DRD3: variants seen among roughly 807,000 people sequenced by gnomAD.
The protein encoded by DRD3 is D(3) dopamine receptor.
In DRD3, 19 loss-of-function variants were observed where a neutral mutation model predicts 36.3. The observed-to-expected ratio is 0.52, with a 90% CI of 0.36 to 0.77. The LOEUF (loss-of-function observed/expected upper bound fraction) is 0.77. DRD3 is among the 30% of genes least tolerant of loss of function. The pLI is 0.00. For missense variants in DRD3, 465 were observed against 505.3 expected (o/e 0.92, Z 0.77); for synonymous variants, 195 against 203.7 (o/e 0.96, Z 0.36).
chr3:114,187,553 A>G (rs777769475), intron 1 of DRD3, among the ~76,000 whole-genome samples: 25 of 152,232 alleles, frequency 1.6e-4, no homozygotes, highest in Admixed American at 7.2e-4. Flanking sequence ...ATGTTCAGAT[A>G]TCCTACTGCA....
intron 2 of DRD3, among the ~76,000 whole-genome samples, chr3:114,170,711 C>T (rs187418998): frequency 5.3e-5 from 8 of 152,156 alleles, no homozygotes; most frequent in African/African-American, 1.4e-4. Flanking sequence ...TTTGCTCTCC[C>T]GTGATATGTC....
Position 114,147,311 on chromosome 3 carries a change from A to G in DRD3, c.526+104T>C, listed in dbSNP as rs891322368. On this transcript the variant is annotated intron_variant, in intron 4 of 6. Transcript: ENST00000383673. The stretch of plus-strand genomic sequence containing the variant: ...GCATTCTCATTTAATTGCAAAGTAC[A>G]CTGACCGGGGGTCAGAAATTGCAGG... 80 of 1,421,260 alleles carry G rather than the reference A, an allele frequency of 5.6e-5. No homozygotes were observed. The African/African-American group carries it at 1.1e-3, about 19-fold the overall frequency. The allele number at this position is 1,421,260 out of a possible 1,614,324, so 88.0% of individuals were successfully genotyped here. A position where few individuals can be genotyped will look rare whatever the true frequency, so the allele number is the denominator to read the frequency against.
chr3:114,190,463 T>TATACA (rs60042583), intron 1 of DRD3, among the ~76,000 whole-genome samples: 1 of 5,570 alleles, frequency 1.8e-4, no homozygotes, highest in Non-Finnish European at 3.3e-4. Context: ...TATATATATA[T>TATACA]TTTTTTTTTT....
intron 5 of DRD3, among the ~76,000 whole-genome samples, chr3:114,132,585 C>T (rs897365570): frequency 6.8e-6 from 1 of 147,072 alleles, no homozygotes; most frequent in Non-Finnish European, 1.5e-5. Context: ...AAAAAAAAAG[C>T]AGCACCCACC....
At chr3:114,129,396 A>G (rs1215823169) in intron 6 of DRD3, among the ~76,000 whole-genome samples, 1 of 152,204 alleles carries the variant, frequency 6.6e-6, no homozygotes, top group African/African-American at 2.4e-5. Flanking sequence ...AGGTGTGATT[A>G]GCCAAACTTT....
intron 4 of DRD3, among the ~76,000 whole-genome samples, chr3:114,145,531 G>T (rs775713342): frequency 2.0e-5 from 3 of 152,206 alleles, no homozygotes; most frequent in African/African-American, 4.8e-5. Context: ...CTTTACTGTG[G>T]CAGAGAAACA....
At chr3:114,170,139 T>C (rs2077825334) in intron 2 of DRD3, among the ~76,000 whole-genome samples, 1 of 152,190 alleles carries the variant, frequency 6.6e-6, no homozygotes, top group African/African-American at 2.4e-5. Context: ...AACAGAAATA[T>C]CACATGCTTC....
At chr3:114,131,526 G>A in intron 5 of DRD3, 126 bp from the exon 6 acceptor site, 2 of 1,313,544 alleles carry the variant, frequency 1.5e-6, no homozygotes. Flanking sequence ...ACCTACAAAG[G>A]GAACATCTGA....
intron 4 of DRD3, among the ~76,000 whole-genome samples, chr3:114,144,256 C>T (rs1435926951): frequency 6.6e-6 from 1 of 152,252 alleles, no homozygotes; most frequent in Admixed American, 6.5e-5. Context: ...TTTCGTGTGG[C>T]AGCCCATGGC....
rs2077425498 is a variant in DRD3, at chr3:114,131,129, G to T, written c.995C>A (p.Ala332Asp). 1 of 1,613,158 alleles carries T rather than the reference G, an allele frequency of 6.2e-7. No individual in the cohort carries two copies. The highest frequency in any genetic ancestry group is 1.3e-5 in the African/African-American group (1 of 74,862). ...CAACCCAAACTTACCAAGCACAATG[G>T]CCACCATTTGGGTTGCCTTCTTCTC... The part of the protein sequence containing the change: ...LREKKATQMV[A>D]IVLGAFIVCW... The change falls in exon 6 of 7, where the codon GCC becomes GAC. Residue 332 changes from alanine (A) to aspartate (D), a missense_variant. Physicochemically the swap from Ala to Asp is moderately radical, Grantham distance 126. Transcript: ENST00000383673.
chr3:114,144,925 T>C (rs1339777992), intron 4 of DRD3, among the ~76,000 whole-genome samples: 1 of 152,182 alleles, frequency 6.6e-6, no homozygotes, highest in African/African-American at 2.4e-5. Context: ...TGAATTTTGT[T>C]TCTGGAACAA....
chr3:114,183,307 T>G (rs1162657992), upstream of DRD3, among the ~76,000 whole-genome samples: 2 of 152,226 alleles, frequency 1.3e-5, no homozygotes, highest in African/African-American at 4.8e-5. Context: ...GACATTTGTC[T>G]TTTAAAATCT....
At position 114,190,410 on chromosome 3, in the gene DRD3, TAATATATATATATATATATA is replaced by T. The variant is rs1165988968; in HGVS notation, c.-156+8843_-156+8862del. On this transcript the variant is annotated intron_variant, in intron 1 of 7. Transcript: ENST00000460779. ...AATGCATCCTAGAGAGGAAAAAGGATAATATATATATATATATATATATATATATATATATATATATATAT... is the reference window on the plus strand; with the variant it reads ...AATGCATCCTAGAGAGGAAAAAGGATTATATATATATATATATATATATAT... Among the ~76,000 whole-genome samples the T allele has an allele frequency of 3.6e-4, 21 of 58,190 alleles. 1 individual carries two copies. The South Asian group carries it at 0.014, about 40-fold the overall frequency. 38.2% of individuals were successfully genotyped at this position (58,190 alleles called of 152,430 possible). A position where few individuals can be genotyped will look rare whatever the true frequency, so the allele number is the denominator to read the frequency against.
intron 1 of DRD3, among the ~76,000 whole-genome samples, chr3:114,196,153 A>C (rs769785584): frequency 1.3e-5 from 2 of 152,130 alleles, no homozygotes; most frequent in Non-Finnish European, 2.9e-5. Context: ...TTTCCTATTC[A>C]TGTTGTTTGT....
intron 2 of DRD3, among the ~76,000 whole-genome samples, chr3:114,164,519 T>C (rs1287354865): frequency 6.6e-6 from 1 of 151,984 alleles, no homozygotes; most frequent in East Asian, 1.9e-4. Context: ...ATTTCCCAAA[T>C]CTCCAGACAC....
In DRD3 at chr3:114,128,863, A is replaced by T; in HGVS notation, c.1056T>A (p.Asn352Lys). 3 of 1,613,084 alleles carry T rather than the reference A, an allele frequency of 1.9e-6. No homozygotes were observed. Among genetic ancestry groups the T allele is most frequent in the South Asian group, 1.1e-5 (1 of 90,912 alleles). The change falls in exon 7 of 7, where the codon AAT becomes AAA. Residue 352 changes from asparagine (N) to lysine (K), a missense_variant. Physicochemically the swap from Asn to Lys is moderately conservative, Grantham distance 94. Transcript: ENST00000383673. ...ACACGTGGCATGTCTGGCAGTGGGT[A>T]TTGAGAACATGGGTCAAGAAGAAGG... is the stretch of plus-strand genomic sequence containing the variant. ...WLPFFLTHVL[N>K]THCQTCHVSP...
chr3:114,160,722 T>C (rs951732613), intron 2 of DRD3, among the ~76,000 whole-genome samples: 19 of 152,316 alleles, frequency 1.2e-4, no homozygotes, highest in African/African-American at 3.1e-4. Flanking sequence ...CTTGGAAACA[T>C]TCTGAAACAA....
At chr3:114,158,892 AGGCTTTTGACT>A (rs1169443796) in intron 3 of DRD3, among the ~76,000 whole-genome samples, 1 of 152,100 alleles carries the variant, frequency 6.6e-6, no homozygotes, top group African/African-American at 2.4e-5. Flanking sequence ...GAATGGGAGG[AGGCTTTTGACT>A]GGCAGCAAGG....
At chr3:114,144,598 C>T (rs530789953) in intron 4 of DRD3, among the ~76,000 whole-genome samples, 83 of 152,268 alleles carry the variant, frequency 5.5e-4, no homozygotes, top group African/African-American at 1.7e-3. Context: ...TAGGAAGGGG[C>T]GACTGATCTC....
Sources: allele counts gnomAD v4.1 joint callset (sites outside exome capture counted in the v4.1 genomes callset), GRCh38; gene constraint gnomAD v4.1.1; transcripts MANE v1.5; gene names NCBI Gene and HGNC (gene_info 2026-07-23, HGNC 2026-07-21).